ADAMTS18: variants seen among roughly 807,000 people sequenced by gnomAD.
The protein encoded by ADAMTS18 is ADAM metallopeptidase with thrombospondin type 1 motif 18.
Under a neutral mutation model 165.9 loss-of-function variants are expected in ADAMTS18, and 157 were observed. The ratio of observed to expected loss-of-function variants is 0.95; its 90% CI spans 0.83 to 1.08. The LOEUF (loss-of-function observed/expected upper bound fraction) is 1.08, where lower values mean the gene tolerates loss of function less well. Ranked by LOEUF, ADAMTS18 falls within the 50% of genes least tolerant of loss-of-function variation. The probability of loss-of-function intolerance (pLI) is 0.00; values close to 1 mark genes in which losing one functional copy is unlikely to be tolerated. For synonymous variants in ADAMTS18, 782 were observed against 578.2 expected, an observed-to-expected ratio of 1.35 and a Z score of -5.06; for missense variants, 2,040 against 1,534.0, an observed-to-expected ratio of 1.33 and a Z score of -5.51.
At chr16:77,354,878 G>T (rs2056605361) in intron 9 of ADAMTS18, among the ~76,000 whole-genome samples, 1 of 152,034 alleles carries the variant, frequency 6.6e-6, no homozygotes, top group Admixed American at 6.6e-5. Context: ...ATTCTTACAT[G>T]AGTTGGAAAA....
chr16:77,410,746 C>T (rs1158855132), intron 3 of ADAMTS18, among the ~76,000 whole-genome samples: 1 of 152,146 alleles, frequency 6.6e-6, no homozygotes, highest in Non-Finnish European at 1.5e-5. Context: ...AAAGGAGAAA[C>T]TAATAACACT....
intron 12 of ADAMTS18, among the ~76,000 whole-genome samples, chr16:77,331,596 C>G (rs2056190500): frequency 6.6e-6 from 1 of 152,074 alleles, no homozygotes; most frequent in Non-Finnish European, 1.5e-5. Context: ...GAGTCCCAAT[C>G]AGAGATTATT....
chr16:77,282,200 T>C lies in ADAMTS18; in HGVS notation c.*1756A>G, dbSNP rs965340111. ...TTAAATATTACACATATATTTTGACTTTTCTCTATAATCCATGGTTTTATT... is the reference window on the plus strand; with the variant it reads ...TTAAATATTACACATATATTTTGACCTTTCTCTATAATCCATGGTTTTATT... On this transcript the variant is annotated 3_prime_UTR_variant, in exon 23 of 23. Transcript: ENST00000282849. 2.0e-5 allele frequency: 3 copies of C among 152,158 alleles called. No individual in the cohort carries two copies. Among genetic ancestry groups the C allele is most frequent in the Non-Finnish European group, 1.5e-5 (1 of 68,030 alleles). 9.4% of individuals were successfully genotyped at this position (152,158 alleles called of 1,614,324 possible).
intron 9 of ADAMTS18, among the ~76,000 whole-genome samples, chr16:77,354,715 A>T (rs2056603302): frequency 6.6e-6 from 1 of 152,230 alleles, no homozygotes; most frequent in Admixed American, 6.5e-5. Flanking sequence ...AGTTCAAATG[A>T]GAAAATATAA....
At chr16:77,302,203 G>C (rs1233203255) in intron 16 of ADAMTS18, among the ~76,000 whole-genome samples, 1 of 152,070 alleles carries the variant, frequency 6.6e-6, no homozygotes, top group African/African-American at 2.4e-5. Context: ...AGTAAATACA[G>C]AAACTTTACA....
rs35955033 is a variant in ADAMTS18 at position 77,313,486 on chromosome 16, TAA to T, written c.2532+6361_2532+6362del. Among the ~76,000 whole-genome samples the T allele has an allele frequency of 7.0e-4, 102 of 146,274 alleles. 1 individual carries two copies. In the East Asian group the frequency reaches 0.012, roughly 17 times the overall value. ...ATAAATAAATAAATGACTCAAGGTT[TAA>T]AAAAAAAAAAACTTAAATTACAAAC... On this transcript the variant is annotated intron_variant, in intron 16 of 22. Coordinates refer to ENST00000282849, the MANE Select transcript of ADAMTS18 (RefSeq NM_199355.4).
intron 10 of ADAMTS18, among the ~76,000 whole-genome samples, chr16:77,343,970 C>T (rs2056437039): frequency 6.6e-6 from 1 of 151,626 alleles, no homozygotes; most frequent in African/African-American, 2.4e-5. Flanking sequence ...ATGAACCAGG[C>T]ACCTAATTCC....
At chr16:77,357,731 A>G (rs1209137370) in intron 8 of ADAMTS18, among the ~76,000 whole-genome samples, 1 of 152,202 alleles carries the variant, frequency 6.6e-6, no homozygotes, top group Non-Finnish European at 1.5e-5. Flanking sequence ...AGATGATAAC[A>G]TATTTTCTTT....
At chr16:77,346,272 G>C (rs186803928) in intron 10 of ADAMTS18, among the ~76,000 whole-genome samples, 1 of 152,040 alleles carries the variant, frequency 6.6e-6, no homozygotes, top group African/African-American at 2.4e-5. Context: ...CGTTTATTGT[G>C]TTTTGTTTTC....
rs188882233 is a variant in ADAMTS18 at position 77,295,872 on chromosome 16, T to G, written c.2802-745A>C. On this transcript the variant is annotated intron_variant, in intron 18 of 22. Transcript: ENST00000282849. ...CTTTTTTTGTTTTTGAGATGGAGTC[T>G]TGCTCTTGTTGCCCAGGCTGGAGTG... Among the ~76,000 whole-genome samples, 535 of 152,194 alleles carry G rather than the reference T, an allele frequency of 3.5e-3. 5 individuals carry two copies. The highest frequency in any genetic ancestry group is 0.012 in the African/African-American group (506 of 41,522).
chr16:77,389,998 T>A (rs1567534454), intron 3 of ADAMTS18, among the ~76,000 whole-genome samples: 2 of 152,170 alleles, frequency 1.3e-5, no homozygotes. Context: ...ATTCTACAAC[T>A]TGGAATAAAA....
chr16:77,412,470 G>A (rs2057477732), intron 3 of ADAMTS18, among the ~76,000 whole-genome samples: 1 of 152,094 alleles, frequency 6.6e-6, no homozygotes, highest in African/African-American at 2.4e-5. Flanking sequence ...TACTACAGAA[G>A]TATGCCACCA....
intron 3 of ADAMTS18, among the ~76,000 whole-genome samples, chr16:77,400,964 G>C (rs981272589): frequency 1.2e-4 from 18 of 152,028 alleles, no homozygotes; most frequent in Non-Finnish European, 1.9e-4. Flanking sequence ...TATTTTGAAA[G>C]AAACCAAATT....
chr16:77,371,680 A>G (rs1004693804), intron 3 of ADAMTS18, among the ~76,000 whole-genome samples: 1 of 152,234 alleles, frequency 6.6e-6, no homozygotes, highest in East Asian at 1.9e-4. Flanking sequence ...AGAAGAAAAC[A>G]TAGGGAAAAT....
intron 10 of ADAMTS18, among the ~76,000 whole-genome samples, chr16:77,344,222 T>C (rs1330488568): frequency 4.0e-5 from 6 of 150,672 alleles, no homozygotes; most frequent in African/African-American, 1.5e-4. Context: ...ATTCTTCCCC[T>C]AAAAGGAGAA....
intron 3 of ADAMTS18, among the ~76,000 whole-genome samples, chr16:77,404,836 A>G (rs931324803): frequency 2.6e-5 from 4 of 152,212 alleles, no homozygotes; most frequent in African/African-American, 9.6e-5. Context: ...AAGATGGCCA[A>G]GTAAACTGGT....
chr16:77,405,394 A>G (rs1223550826), intron 3 of ADAMTS18, among the ~76,000 whole-genome samples: 1 of 152,220 alleles, frequency 6.6e-6, no homozygotes, highest in Non-Finnish European at 1.5e-5. Context: ...TCAATAGGAC[A>G]GATTTATTGT....
intron 3 of ADAMTS18, among the ~76,000 whole-genome samples, chr16:77,419,699 T>C (rs1386534788): frequency 3.9e-5 from 6 of 152,064 alleles, no homozygotes; most frequent in South Asian, 2.1e-4. Flanking sequence ...GCCAGCAATT[T>C]TGGGGGCTGT....
Position 77,321,112 on chromosome 16 carries a change from T to C in ADAMTS18, c.2254A>G (p.Lys752Glu), listed in dbSNP as rs1390394540. ...KGDNSTCKFY[K>E]GLYLNQHKAN... is the part of the protein sequence containing the mutation. ...TTATGCTGGTTGAGGTACAGGCCTT[T>C]ATAAAACTTGCAAGTTGAATTATCA... is the stretch of plus-strand genomic sequence containing the variant. The change falls in exon 15 of 23, where the codon AAA (lysine) becomes GAA (glutamate). Residue 752 changes from lysine to glutamate, a missense_variant. Lys to Glu is a moderately conservative substitution (Grantham distance 56). Transcript: ENST00000282849. 1.2e-6 allele frequency: 2 copies of C among 1,614,194 alleles called. No homozygotes were observed. Among genetic ancestry groups the C allele is most frequent in the East Asian group, 2.2e-5 (1 of 44,876 alleles).
Sources: gnomAD v4.1 joint callset for allele counts (sites outside exome capture counted in the v4.1 genomes callset) on GRCh38, gnomAD v4.1.1 for gene constraint, MANE v1.5 for transcripts, NCBI Gene and HGNC (gene_info 2026-07-23, HGNC 2026-07-21) for gene names.